Variants in SLC35E3 observed in about 807,000 individuals in gnomAD.
SLC35E3 encodes solute carrier family 35 member E3.
Under a neutral mutation model 30.8 loss-of-function variants are expected in SLC35E3, and 28 were observed. That is an observed-to-expected ratio of 0.91 (90% CI 0.67 to 1.25). SLC35E3 has a LOEUF of 1.25. Ranked by LOEUF, SLC35E3 falls within the 50% of genes most tolerant of loss-of-function variation. SLC35E3 has a pLI of 0.00. For missense variants in SLC35E3, 365 were observed against 375.4 expected, an observed-to-expected ratio of 0.97 and a Z score of 0.23; for synonymous variants, 146 against 149.2, an observed-to-expected ratio of 0.98 and a Z score of 0.16.
At chr12:68,749,262 A>G (rs1878705529) in intron 2 of SLC35E3, among the ~76,000 whole-genome samples, 1 of 152,198 alleles carries the variant, frequency 6.6e-6, no homozygotes, top group Non-Finnish European at 1.5e-5. Context: ...AGATTAATGG[A>G]CAGTTTCTTA....
rs1270326395 is a variant in SLC35E3, at chr12:68,772,071, T to C, written c.*7181T>C. 6.6e-6 allele frequency: 1 copy of C among 152,130 alleles called. No homozygotes were observed. Among genetic ancestry groups the C allele is most frequent in the Non-Finnish European group, 1.5e-5 (1 of 68,026 alleles). 9.4% of individuals were successfully genotyped at this position (152,130 alleles called of 1,614,324 possible). On this transcript the variant is annotated 3_prime_UTR_variant, in exon 5 of 5. Coordinates refer to ENST00000398004, the MANE Select transcript of SLC35E3 (RefSeq NM_018656.5). ...TTTTATTTTTTGAGACAGAGTTTCC[T>C]CTGTCTCCCAGGCTTGGTTGTTGTG...
chr12:68,753,607 A>G (rs556862417), intron 3 of SLC35E3, among the ~76,000 whole-genome samples: 1 of 152,194 alleles, frequency 6.6e-6, no homozygotes, highest in Non-Finnish European at 1.5e-5. Flanking sequence ...ATGTGTGTAT[A>G]ATTTTAGATA....
chr12:68,764,943 TAA>T lies in SLC35E3; in HGVS notation c.*54_*55del. On this transcript the variant is annotated 3_prime_UTR_variant, in exon 5 of 5. Transcript: ENST00000398004. ...GTCCCAAGAAGATAAAAAATATTGT[TAA>T]GTGTGCAAGTTATTAAAAAAAAAAA... 1.9e-6 allele frequency: 3 copies of T among 1,568,920 alleles called. No homozygotes were observed. The highest frequency in any genetic ancestry group is 2.6e-6 in the Non-Finnish European group (3 of 1,152,546).
rs1319747673 is a variant in SLC35E3 at position 68,777,936 on chromosome 12, G to C, written c.*13046G>C. Reference sequence around the variant, plus strand: ...AGTTTAAGACCAGCCTGGCCAACATGGTGAATCCCCGTCTCTATAAAAAGT... The same window carrying C: ...AGTTTAAGACCAGCCTGGCCAACATCGTGAATCCCCGTCTCTATAAAAAGT... On this transcript the variant is annotated 3_prime_UTR_variant, in exon 5 of 5. Coordinates refer to ENST00000398004, the MANE Select transcript of SLC35E3 (RefSeq NM_018656.5). 2 of 152,282 alleles carry C rather than the reference G, an allele frequency of 1.3e-5. No homozygotes were observed. The highest frequency in any genetic ancestry group is 6.5e-5 in the Admixed American group (1 of 15,280). The allele number at this position is 152,282 out of a possible 1,614,324, so 9.4% of individuals were successfully genotyped here.
Position 68,768,554 on chromosome 12 carries a change from G to A in SLC35E3, c.*3664G>A, listed in dbSNP as rs1879518284. ...CAAGCACGGAGACAAACCAGATACA[G>A]TGCTTTCAAAGAAAACATGCTTGCT... On this transcript the variant is annotated 3_prime_UTR_variant, in exon 5 of 5. Transcript: ENST00000398004. 6.6e-6 allele frequency: 1 copy of A among 152,336 alleles called. No individual in the cohort carries two copies. The highest frequency in any genetic ancestry group is 1.5e-5 in the Non-Finnish European group (1 of 68,018). The allele number at this position is 152,336 out of a possible 1,614,324, so 9.4% of individuals were successfully genotyped here. A position where few individuals can be genotyped will look rare whatever the true frequency, so the allele number is the denominator to read the frequency against.
rs1879526956 is a variant in SLC35E3, at chr12:68,768,822, AATAAC to A, written c.*3937_*3941del. ...AAACAAAATTCCATCTCCTTTTAGA[AATAAC>A]ATAAAGGAGAAATCTATCTCTGTGA... On this transcript the variant is annotated 3_prime_UTR_variant, in exon 5 of 5. Coordinates refer to ENST00000398004, the MANE Select transcript of SLC35E3 (RefSeq NM_018656.5). The A allele has an allele frequency of 6.6e-6, 1 of 152,232 alleles. No individual in the cohort carries two copies. The highest frequency in any genetic ancestry group is 1.5e-5 in the Non-Finnish European group (1 of 68,052). The allele number at this position is 152,232 out of a possible 1,614,324, so 9.4% of individuals were successfully genotyped here. A position where few individuals can be genotyped will look rare whatever the true frequency, so the allele number is the denominator to read the frequency against.
chr12:68,757,740 G>A (rs1340955364), intron 3 of SLC35E3, among the ~76,000 whole-genome samples: 2 of 152,188 alleles, frequency 1.3e-5, no homozygotes, highest in African/African-American at 4.8e-5. Flanking sequence ...GCGTTCCTCA[G>A]AAGGCCTGGC....
Position 68,767,557 on chromosome 12 carries a change from A to G in SLC35E3, c.*2667A>G, listed in dbSNP as rs1334924223. The G allele has an allele frequency of 6.6e-6, 1 of 150,664 alleles. No homozygotes were observed. Among genetic ancestry groups the G allele is most frequent in the Non-Finnish European group, 1.5e-5 (1 of 67,734 alleles). The allele number at this position is 150,664 out of a possible 1,614,324, so 9.3% of individuals were successfully genotyped here. ...AAAAAAGGGAAGAGCGACAAAATAT[A>G]CCTTTTGATAAGACAGTAAATTTTA... is the stretch of plus-strand genomic sequence containing the variant. On this transcript the variant is annotated 3_prime_UTR_variant, in exon 5 of 5. Coordinates refer to ENST00000398004, the MANE Select transcript of SLC35E3 (RefSeq NM_018656.5).
chr12:68,758,855 C>T (rs979158897), intron 3 of SLC35E3, among the ~76,000 whole-genome samples: 2 of 147,778 alleles, frequency 1.4e-5, no homozygotes, highest in African/African-American at 2.5e-5. Flanking sequence ...CATTCTCCTG[C>T]CTCAGCCTCC....
At position 68,772,938 on chromosome 12, in the gene SLC35E3, T is replaced by A. The variant is rs1449493123; in HGVS notation, c.*8048T>A. ...GCCCTGAGAAAGCTCAAGAAGCAGG[T>A]CAAGGGGGTGGGTAAGGAAGATGGG... On this transcript the variant is annotated 3_prime_UTR_variant, in exon 5 of 5. Transcript: ENST00000398004. 6.6e-6 allele frequency: 1 copy of A among 152,102 alleles called. No individual in the cohort carries two copies. Among genetic ancestry groups the A allele is most frequent in the East Asian group, 1.9e-4 (1 of 5,180 alleles). 9.4% of individuals were successfully genotyped at this position (152,102 alleles called of 1,614,324 possible).
chr12:68,777,954 TAA>T lies in SLC35E3; in HGVS notation c.*13068_*13069del, dbSNP rs1879787807. The T allele has an allele frequency of 6.6e-6, 1 of 151,866 alleles. No homozygotes were observed. The highest frequency in any genetic ancestry group is 1.5e-5 in the Non-Finnish European group (1 of 67,988). 9.4% of individuals were successfully genotyped at this position (151,866 alleles called of 1,614,324 possible). On this transcript the variant is annotated 3_prime_UTR_variant, in exon 5 of 5. Coordinates refer to ENST00000398004, the MANE Select transcript of SLC35E3 (RefSeq NM_018656.5). ...CCAACATGGTGAATCCCCGTCTCTA[TAA>T]AAAGTACAAAAATTAGCCAGGTATG...
intron 1 of SLC35E3, among the ~76,000 whole-genome samples, chr12:68,747,360 C>T (rs917637118): frequency 1.3e-5 from 2 of 151,854 alleles, no homozygotes; most frequent in African/African-American, 4.8e-5. Context: ...ACCTCCGCCT[C>T]CCGGGTTTAA....
intron 3 of SLC35E3, among the ~76,000 whole-genome samples, chr12:68,757,953 G>A (rs1000163438): frequency 6.6e-6 from 1 of 151,800 alleles, no homozygotes; most frequent in African/African-American, 2.4e-5. Context: ...TTAGGTGGGT[G>A]TGGTGGCATG....
At chr12:68,748,537 C>G (rs1232605604) in intron 2 of SLC35E3, among the ~76,000 whole-genome samples, 1 of 151,752 alleles carries the variant, frequency 6.6e-6, no homozygotes, top group African/African-American at 2.4e-5. Context: ...ATATTATACT[C>G]TATATTAATA....
Position 68,748,048 on chromosome 12 carries a change from A to G in SLC35E3, c.513+8A>G. ...ACATCCCTTTATCAAGTGGTTGGTA[A>G]TTTTTTTTTCTTTATGTGCCTTTTT... On this transcript the variant is annotated splice_region_variant and intron_variant, in intron 2 of 4. Coordinates refer to ENST00000398004, the MANE Select transcript of SLC35E3 (RefSeq NM_018656.5). 1 of 1,519,062 alleles carries G rather than the reference A, an allele frequency of 6.6e-7. No individual in the cohort carries two copies. Among genetic ancestry groups the G allele is most frequent in the South Asian group, 1.2e-5 (1 of 85,112 alleles). 94.1% of individuals were successfully genotyped at this position (1,519,062 alleles called of 1,614,324 possible).
Position 68,777,343 on chromosome 12 carries a change from G to A in SLC35E3, c.*12453G>A, listed in dbSNP as rs1446429820. 4 of 152,206 alleles carry A rather than the reference G, an allele frequency of 2.6e-5. No homozygotes were observed. The highest frequency in any genetic ancestry group is 4.1e-4 in the South Asian group (2 of 4,822). 9.4% of individuals were successfully genotyped at this position (152,206 alleles called of 1,614,324 possible). A position where few individuals can be genotyped will look rare whatever the true frequency, so the allele number is the denominator to read the frequency against. ...TCTTCTGAAATCATAACATCATGAGGACATCCACTGCTTGTACTCAAATAG... is the reference window on the plus strand; with the variant it reads ...TCTTCTGAAATCATAACATCATGAGAACATCCACTGCTTGTACTCAAATAG... On this transcript the variant is annotated 3_prime_UTR_variant, in exon 5 of 5. Transcript: ENST00000398004.
intron 1 of SLC35E3, among the ~76,000 whole-genome samples, chr12:68,747,364 G>A (rs1878628854): frequency 6.6e-6 from 1 of 151,956 alleles, no homozygotes; most frequent in Non-Finnish European, 1.5e-5. Flanking sequence ...CCGCCTCCCG[G>A]GTTTAAGCGA....
At chr12:68,754,844 C>T (rs1437079204) in intron 3 of SLC35E3, among the ~76,000 whole-genome samples, 1 of 152,202 alleles carries the variant, frequency 6.6e-6, no homozygotes, top group Non-Finnish European at 1.5e-5. Context: ...TCCCCCCAAC[C>T]TCAGCCTCCC....
chr12:68,753,956 G>A (rs1878908980), intron 3 of SLC35E3, among the ~76,000 whole-genome samples: 1 of 151,740 alleles, frequency 6.6e-6, no homozygotes, highest in Non-Finnish European at 1.5e-5. Context: ...GGTTCAAGCG[G>A]TTCTCCTGCC....
Sources: gnomAD v4.1 joint callset for allele counts (sites outside exome capture counted in the v4.1 genomes callset) on GRCh38, gnomAD v4.1.1 for gene constraint, MANE v1.5 for transcripts, NCBI Gene and HGNC (gene_info 2026-07-23, HGNC 2026-07-21) for gene names.